Variants in LIMCH1 observed in about 807,000 individuals in gnomAD.
LIMCH1 encodes the protein LIM and calponin homology domains 1.
In LIMCH1, 113 loss-of-function variants were observed where a neutral mutation model predicts 176.5. That is an observed-to-expected ratio of 0.64 (90% CI 0.55 to 0.75). The LOEUF (loss-of-function observed/expected upper bound fraction) is 0.75. Ranked by LOEUF, LIMCH1 falls within the 30% of genes least tolerant of loss-of-function variation. LIMCH1 has a pLI of 0.00. For synonymous variants in LIMCH1, 619 were observed against 645.9 expected, an observed-to-expected ratio of 0.96 and a Z score of 0.63; for missense variants, 1,674 against 1,814.9, an observed-to-expected ratio of 0.92 and a Z score of 1.41.
intron 1 of LIMCH1, among the ~76,000 whole-genome samples, chr4:41,539,032 C>T (rs142688063): frequency 2.0e-5 from 3 of 152,288 alleles, no homozygotes; most frequent in African/African-American, 7.2e-5. Flanking sequence ...GAATGCTAAA[C>T]GTTCCATGGC....
At chr4:41,360,026 G>GGTGTGTGTGT (rs35179191), upstream of LIMCH1, among the ~76,000 whole-genome samples, 11,909 of 145,762 alleles carry the variant, frequency 0.082, 584 homozygotes, top group Middle Eastern at 0.13. This position sits in a 1 kb window ranked among gnomAD's most constrained non-coding sequence, Gnocchi z 4.5. Context: ...GGGTGTGTAG[G>GGTGTGTGTGT]GTGTGTGTGT....
intron 2 of LIMCH1, among the ~76,000 whole-genome samples, chr4:41,522,501 A>G (rs972596877): frequency 3.3e-5 from 5 of 152,200 alleles, no homozygotes; most frequent in African/African-American, 1.2e-4. Flanking sequence ...AACTGTACAA[A>G]AATATTATCT....
intron 1 of LIMCH1, among the ~76,000 whole-genome samples, chr4:41,424,286 C>T (rs56037067): frequency 0.057 from 8,674 of 152,004 alleles, 275 homozygotes; most frequent in Middle Eastern, 0.1. Flanking sequence ...AAATTGAGAC[C>T]GTTTGGAAAT....
At chr4:41,373,553 C>CTTATGG (rs2054287168) in intron 1 of LIMCH1, among the ~76,000 whole-genome samples, 3 of 152,240 alleles carry the variant, frequency 2.0e-5, no homozygotes, top group Admixed American at 6.5e-5. Context: ...TTTATGAGAG[C>CTTATGG]TTATGGCCTG....
chr4:41,400,459 A>G (rs139332289), intron 1 of LIMCH1, among the ~76,000 whole-genome samples: 111 of 152,334 alleles, frequency 7.3e-4, no homozygotes, highest in African/African-American at 2.6e-3. Flanking sequence ...TAATGCTTGA[A>G]GAATTACATG....
intron 3 of LIMCH1, among the ~76,000 whole-genome samples, chr4:41,532,995 G>C (rs1250669629): frequency 1.3e-5 from 2 of 152,078 alleles, no homozygotes; most frequent in African/African-American, 4.8e-5. Context: ...GGCCAGAGTA[G>C]GGAGCTTAGA....
Position 41,613,466 on chromosome 4 carries a change from G to A in LIMCH1, c.10G>A (p.Asp4Asn), listed in dbSNP as rs368181741. 1 of 1,612,660 alleles carries A rather than the reference G, an allele frequency of 6.2e-7. No homozygotes were observed. The change falls in exon 5 of 32, where the codon GAC becomes AAC. Residue 4 changes from aspartate (D) to asparagine (N), a missense_variant and splice_region_variant. Coordinates refer to ENST00000503057, the MANE Select transcript of LIMCH1 (RefSeq NM_001330672.2). ...ACCCTTTCATTTTCTTTTTTGACAG[G>A]ACACTGATGACATTGAAAGTCCTAA... MRK[D>N]TDDIESPKRS...
chr4:41,557,909 C>CT (rs111803054), intron 1 of LIMCH1, among the ~76,000 whole-genome samples: 5 of 149,894 alleles, frequency 3.3e-5, no homozygotes, highest in Admixed American at 1.3e-4. Flanking sequence ...CCAATACACA[C>CT]TTTTTTTTTT....
intron 18 of LIMCH1, among the ~76,000 whole-genome samples, chr4:41,657,338 G>C (rs777241503): frequency 3.9e-4 from 60 of 152,340 alleles, no homozygotes; most frequent in Middle Eastern, 6.8e-3. Context: ...AAACCGCTGA[G>C]TGTATCCCTG....
chr4:41,662,515 C>T (rs947705875), intron 19 of LIMCH1, among the ~76,000 whole-genome samples: 11 of 152,164 alleles, frequency 7.2e-5, no homozygotes, highest in Non-Finnish European at 1.0e-4. Flanking sequence ...TTATATATTT[C>T]GTGTCAGCAT....
intron 1 of LIMCH1, among the ~76,000 whole-genome samples, chr4:41,460,703 C>G (rs1160811676): frequency 1.3e-5 from 2 of 152,026 alleles, no homozygotes; most frequent in Non-Finnish European, 2.9e-5. Flanking sequence ...TAACCGTCAG[C>G]CCTCTCTTGG....
Position 41,646,824 on chromosome 4 carries a change from A to G in LIMCH1, c.2751A>G (p.Ala917=). ...GSPSKTVTPK[A]VPMLTPKPYS... ...CAAGCAAAACTGTCACTCCCAAAGC[A>G]GTGCCTATGCTGACACCCAAGCCTT... is the stretch of plus-strand genomic sequence containing the variant. The change falls in exon 17 of 32, where the codon GCA becomes GCG. Residue 917 remains alanine (A), a synonymous_variant. Transcript: ENST00000503057. 1 of 1,614,238 alleles carries G rather than the reference A, an allele frequency of 6.2e-7. No individual in the cohort carries two copies. Among genetic ancestry groups the G allele is most frequent in the Non-Finnish European group, 8.5e-7 (1 of 1,180,034 alleles).
chr4:41,392,962 G>A (rs761002249), intron 1 of LIMCH1, among the ~76,000 whole-genome samples: 37 of 152,118 alleles, frequency 2.4e-4, no homozygotes, highest in African/African-American at 7.2e-4. Context: ...TCTGGGAGGC[G>A]GAGGTTGCAG....
In LIMCH1 at chr4:41,646,241, G is replaced by A; in HGVS notation, c.2372G>A (p.Arg791Lys). Reference sequence around the variant, plus strand: ...GGAGAAGATGGGACAAGTGAACGAAGGAAAAGCATCAAAACCTACAGAGAA... The same window carrying A: ...GGAGAAGATGGGACAAGTGAACGAAAGAAAAGCATCAAAACCTACAGAGAA... ...LAGEDGTSER[R>K]KSIKTYREIV... The change falls in exon 16 of 32, where the codon AGG becomes AAG. Residue 791 changes from arginine to lysine, a missense_variant. Around this residue, in one of 3 missense-constraint regions of LIMCH1, gnomAD observed 1,015 missense variants for 1,102.5 expected, o/e 0.92. Coordinates refer to ENST00000503057, the MANE Select transcript of LIMCH1 (RefSeq NM_001330672.2). 6.2e-7 allele frequency: 1 copy of A among 1,612,408 alleles called. No individual in the cohort carries two copies. Among genetic ancestry groups the A allele is most frequent in the Non-Finnish European group, 8.5e-7 (1 of 1,179,712 alleles).
intron 1 of LIMCH1, chr4:41,389,661 C>T (rs76453697): frequency 0.027 from 4,189 of 152,350 alleles, 91 homozygotes; most frequent in Middle Eastern, 0.061. Flanking sequence ...AACAAAAGGA[C>T]ATCAACAGAA....
At chr4:41,666,692 G>A (rs767237854) in intron 21 of LIMCH1, 26 bp downstream of exon 21, 2 of 1,466,512 alleles carry the variant, frequency 1.4e-6, no homozygotes, top group Admixed American at 1.7e-5. Context: ...TTTATTTTAG[G>A]TCTGCATGTT....
intron 1 of LIMCH1, among the ~76,000 whole-genome samples, chr4:41,576,627 G>A (rs758762460): frequency 5.9e-5 from 9 of 152,046 alleles, no homozygotes; most frequent in Non-Finnish European, 1.0e-4. Flanking sequence ...CAGGTTTGGC[G>A]GGGACAGTCT....
At chr4:41,612,788 A>G in intron 4 of LIMCH1, 1 of 888,596 alleles carries the variant, frequency 1.1e-6, no homozygotes, top group Non-Finnish European at 1.7e-6. Context: ...GCTGAGAGCG[A>G]GAGCATGCCT....
At chr4:41,411,953 T>C (rs1408634736) in intron 1 of LIMCH1, among the ~76,000 whole-genome samples, 1 of 67,182 alleles carries the variant, frequency 1.5e-5, no homozygotes, top group Non-Finnish European at 2.4e-5. Context: ...CGAGACTCCA[T>C]CTCAAAAAAA....
Sources: gnomAD v4.1 joint callset for allele counts (sites outside exome capture counted in the v4.1 genomes callset) on GRCh38, gnomAD v4.1.1 for gene constraint, gnomAD v4.1.1 regional missense constraint, Gnocchi (gnomAD v3.1) non-coding constraint, MANE v1.5 for transcripts, NCBI Gene and HGNC (gene_info 2026-07-23, HGNC 2026-07-21) for gene names.